DENND1A: variants seen among roughly 807,000 people sequenced by gnomAD.
DENND1A encodes the protein DENN domain-containing protein 1A.
A neutral mutation model predicts 113.7 loss-of-function variants in DENND1A; 51 were observed. That is an observed-to-expected ratio of 0.45 (90% CI 0.36 to 0.57). The LOEUF is 0.57. Among genes scored for constraint, DENND1A ranks in the 20% least tolerant of loss-of-function variants. The pLI, the probability that DENND1A is intolerant of heterozygous loss-of-function variation, is 0.00. For missense variants in DENND1A, 1,258 were observed against 1,395.9 expected, an observed-to-expected ratio of 0.90 and a Z score of 1.57; for synonymous variants, 565 against 570.8, an observed-to-expected ratio of 0.99 and a Z score of 0.14.
intron 9 of DENND1A, among the ~76,000 whole-genome samples, chr9:123,640,124 C>T (rs917150547): frequency 2.0e-5 from 3 of 152,210 alleles, no homozygotes; most frequent in African/African-American, 7.2e-5. Context: ...ACTATGTGCA[C>T]ACACCATGCC....
At chr9:123,920,133 T>TA (rs532646590) in intron 1 of DENND1A, among the ~76,000 whole-genome samples, 120 of 152,066 alleles carry the variant, frequency 7.9e-4, no homozygotes, top group African/African-American at 2.8e-3. Flanking sequence ...AGAAAAAGAA[T>TA]AAAAAATCAC....
intron 13 of DENND1A, among the ~76,000 whole-genome samples, chr9:123,470,049 G>T (rs1477970577): frequency 3.3e-5 from 5 of 152,214 alleles, no homozygotes; most frequent in Admixed American, 2.0e-4. Flanking sequence ...AGGTGATGTT[G>T]AACAGAAAGG....
intron 5 of DENND1A, among the ~76,000 whole-genome samples, chr9:123,693,063 C>T (rs2065277102): frequency 1.3e-5 from 2 of 152,154 alleles, no homozygotes; most frequent in Non-Finnish European, 2.9e-5. Flanking sequence ...TAAAAATCAA[C>T]TTTGAATTTT....
intron 2 of DENND1A, among the ~76,000 whole-genome samples, chr9:123,874,422 T>A (rs985249473): frequency 6.6e-6 from 1 of 152,088 alleles, no homozygotes; most frequent in Non-Finnish European, 1.5e-5. Context: ...AACTCAATTT[T>A]AAAAATGAGC....
At chr9:123,714,074 G>A (rs1197064775) in intron 5 of DENND1A, among the ~76,000 whole-genome samples, 1 of 152,206 alleles carries the variant, frequency 6.6e-6, no homozygotes, top group Non-Finnish European at 1.5e-5. Flanking sequence ...AAGTATATTA[G>A]AATTGATTGA....
intron 13 of DENND1A, among the ~76,000 whole-genome samples, chr9:123,465,488 G>C (rs1364344292): frequency 6.6e-6 from 1 of 152,058 alleles, no homozygotes; most frequent in Admixed American, 6.6e-5. Flanking sequence ...TGACTAACTT[G>C]TCCCTCCTCG....
At chr9:123,824,904 A>C (rs1839063254) in intron 2 of DENND1A, among the ~76,000 whole-genome samples, 1 of 152,232 alleles carries the variant, frequency 6.6e-6, no homozygotes, top group Non-Finnish European at 1.5e-5. Flanking sequence ...TATCTCTTAT[A>C]AATTTTATTT....
intron 5 of DENND1A, among the ~76,000 whole-genome samples, chr9:123,685,406 C>T (rs1423026290): frequency 1.3e-5 from 2 of 152,084 alleles, no homozygotes; most frequent in Non-Finnish European, 2.9e-5. Flanking sequence ...CATTGTGATA[C>T]CTATTATATC....
At chr9:123,392,456 C>T (rs1043910137) in intron 21 of DENND1A, among the ~76,000 whole-genome samples, 2 of 152,142 alleles carry the variant, frequency 1.3e-5, no homozygotes, top group African/African-American at 2.4e-5. Flanking sequence ...AAAGGATCCT[C>T]GCTTTGTAAA....
At chr9:123,902,812 T>A (rs1478928252) in intron 1 of DENND1A, among the ~76,000 whole-genome samples, 4 of 151,018 alleles carry the variant, frequency 2.6e-5, no homozygotes, top group African/African-American at 9.7e-5. Context: ...GCTGTTTTTT[T>A]TTTTTTTAAA....
At chr9:123,632,896 TATA>T (rs372172540) in intron 9 of DENND1A, among the ~76,000 whole-genome samples, 1 of 151,378 alleles carries the variant, frequency 6.6e-6, no homozygotes, top group Non-Finnish European at 1.5e-5. Flanking sequence ...AGGCACCTAT[TATA>T]ATAATAATAA....
intron 10 of DENND1A, among the ~76,000 whole-genome samples, chr9:123,617,582 T>C (rs1039747862): frequency 1.3e-5 from 2 of 152,218 alleles, no homozygotes; most frequent in African/African-American, 2.4e-5. Flanking sequence ...GACAAAATTC[T>C]GGAGAGGTCA....
chr9:123,488,503 CT>C (rs1199192145), intron 13 of DENND1A, among the ~76,000 whole-genome samples: 1 of 152,180 alleles, frequency 6.6e-6, no homozygotes, highest in Non-Finnish European at 1.5e-5. Context: ...TGAAATCATT[CT>C]CTTCTTGATG....
chr9:123,382,480 G>C lies in DENND1A; in HGVS notation c.2165C>G (p.Ser722Ter). 1.2e-6 allele frequency: 2 copies of C among 1,613,878 alleles called. No homozygotes were observed. Among genetic ancestry groups the C allele is most frequent in the Non-Finnish European group, 1.7e-6 (2 of 1,179,902 alleles). Residue 722 changes from serine to a stop codon, truncating the protein, a stop_gained, in exon 24 of 24, where the codon TCA becomes TGA. Transcript: ENST00000394215. LOFTEE classifies it high-confidence loss of function. ...KPPAASPEKP[S>*]ALLGNSLALP... Reference sequence around the variant, plus strand: ...GGCCAGGGAGTTTCCGAGCAGGGCTGAGGGCTTCTCAGGGGAGGCAGCTGG... The same window carrying C: ...GGCCAGGGAGTTTCCGAGCAGGGCTCAGGGCTTCTCAGGGGAGGCAGCTGG...
chr9:123,415,367 G>A (rs1402741460), intron 19 of DENND1A, among the ~76,000 whole-genome samples: 1 of 152,172 alleles, frequency 6.6e-6, no homozygotes, highest in Non-Finnish European at 1.5e-5. Context: ...CACCTCCTGT[G>A]GGGTGGCCGC....
chr9:123,554,873 C>T (rs983538183), intron 13 of DENND1A, among the ~76,000 whole-genome samples: 3 of 152,164 alleles, frequency 2.0e-5, no homozygotes, highest in African/African-American at 4.8e-5. Context: ...GCCATGTCTC[C>T]ATCTAAATCC....
At chr9:123,846,058 T>C (rs1842574404) in intron 2 of DENND1A, among the ~76,000 whole-genome samples, 1 of 152,130 alleles carries the variant, frequency 6.6e-6, no homozygotes. Flanking sequence ...TAGGTATTTC[T>C]CCACAGAAAA....
At chr9:123,630,796 C>T (rs1254178873) in intron 9 of DENND1A, among the ~76,000 whole-genome samples, 1 of 152,044 alleles carries the variant, frequency 6.6e-6, no homozygotes, top group East Asian at 1.9e-4. Context: ...CATATATTCC[C>T]CTTTTAAATA....
intron 1 of DENND1A, among the ~76,000 whole-genome samples, chr9:123,885,535 T>C (rs1848937851): frequency 1.3e-5 from 2 of 152,258 alleles, no homozygotes; most frequent in Non-Finnish European, 2.9e-5. Context: ...TCTGTAAAGA[T>C]GTTTTCCTTT....
Sources: allele counts gnomAD v4.1 joint callset (sites outside exome capture counted in the v4.1 genomes callset), GRCh38; gene constraint gnomAD v4.1.1; transcripts MANE v1.5; gene names NCBI Gene and HGNC (gene_info 2026-07-23, HGNC 2026-07-21).